Variants in FES observed in about 807,000 individuals in gnomAD.
FES encodes the protein tyrosine-protein kinase Fes/Fps.
Under a neutral mutation model 109.6 loss-of-function variants are expected in FES, and 83 were observed. The observed-to-expected ratio is 0.76, with a 90% confidence interval of 0.63 to 0.91. FES has a LOEUF of 0.91. FES is among the 40% of genes least tolerant of loss of function. The pLI, the probability that FES is intolerant of heterozygous loss-of-function variation, is 0.00. For synonymous variants in FES, 458 were observed against 442.1 expected (o/e 1.04, Z -0.45); for missense variants, 943 against 1,070.9 (o/e 0.88, Z 1.67).
intron 11 of FES, 118 bp downstream of exon 11, chr15:90,891,309 C>G: frequency 7.7e-7 from 1 of 1,296,098 alleles, no homozygotes; most frequent in Non-Finnish European, 1.1e-6. Context: ...GCCTCCCTAG[C>G]AGGGCTGGCT....
At position 90,888,167 on chromosome 15, in the gene FES, A is replaced by G. The variant is rs189732773; in HGVS notation, c.668+797A>G. Reference sequence around the variant, plus strand: ...GCCGCCCAGGCTAGAGTGCAGTGGCATGATCTCGGCTTACTGCAACCTCCG... The same window carrying G: ...GCCGCCCAGGCTAGAGTGCAGTGGCGTGATCTCGGCTTACTGCAACCTCCG... On this transcript the variant is annotated intron_variant, in intron 5 of 18. Transcript: ENST00000328850. Among the ~76,000 whole-genome samples, 894 of 152,244 alleles carry G rather than the reference A, an allele frequency of 5.9e-3. 8 individuals are homozygous for G. The highest frequency in any genetic ancestry group is 8.6e-3 in the Non-Finnish European group (585 of 68,014).
intron 17 of FES, 29 bp downstream of exon 17, chr15:90,893,840 C>A (rs984663399): frequency 1.3e-6 from 2 of 1,597,266 alleles, no homozygotes; most frequent in African/African-American, 2.7e-5. Context: ...CCCTGGACTC[C>A]ATGGCCAGAG....
In FES at chr15:90,892,055, C is replaced by A. The variant is rs774314212; in HGVS notation, c.1654-3C>A. On this transcript the variant is annotated splice_region_variant and splice_polypyrimidine_tract_variant and intron_variant, in intron 12 of 18. Transcript: ENST00000328850. Reference sequence around the variant, plus strand: ...CTGATCCCCTGTCTCCTCTCTTCCCCAGGACAAGTGGGTGCTGAACCATGA... The same window carrying A: ...CTGATCCCCTGTCTCCTCTCTTCCCAAGGACAAGTGGGTGCTGAACCATGA... 5 of 1,614,028 alleles carry A rather than the reference C, an allele frequency of 3.1e-6. No individual in the cohort carries two copies. The African/African-American group carries it at 6.7e-5, about 22-fold the overall frequency.
At chr15:90,886,924 A>C (rs1596093863) in intron 3 of FES, 37 bp from the exon 4 acceptor site, 1 of 1,590,748 alleles carries the variant, frequency 6.3e-7, no homozygotes, top group Non-Finnish European at 8.6e-7. Flanking sequence ...ACAACTGGGG[A>C]CCTGCTGCCC....
At chr15:90,884,860 G>A (rs926107228) in intron 1 of FES, 177 bp from the exon 2 acceptor site, 24 of 611,600 alleles carry the variant, frequency 3.9e-5, no homozygotes, top group Admixed American at 1.2e-4. Context: ...AGCAATGAGG[G>A]CCAGTCCCCA....
intron 5 of FES, among the ~76,000 whole-genome samples, chr15:90,888,748 AT>A (rs2032906956): frequency 1.4e-4 from 1 of 7,312 alleles, no homozygotes; most frequent in Non-Finnish European, 3.2e-4. Context: ...ATAGCAGTTC[AT>A]TTATTTATTT....
At chr15:90,887,495 A>G in intron 5 of FES, 125 bp downstream of exon 5, 1 of 1,026,628 alleles carries the variant, frequency 9.7e-7, no homozygotes, top group Non-Finnish European at 1.4e-6. Flanking sequence ...CCACATGAGA[A>G]CGGGACCTGG....
At position 90,891,052 on chromosome 15, in the gene FES, C is replaced by T. The variant is rs1034352374; in HGVS notation, c.1391C>T (p.Ala464Val). The stretch of plus-strand genomic sequence containing the variant: ...CATGAGCAGCTGTGGTACCACGGGG[C>T]CATCCCGAGGGCAGAGGTGGCTGAG... The part of the protein sequence containing the change: ...PLHEQLWYHG[A>V]IPRAEVAELL... Residue 464 changes from alanine to valine, a missense_variant, in exon 11 of 19, where the codon GCC becomes GTC. Physicochemically the swap from Ala to Val is moderately conservative, Grantham distance 64 (BLOSUM62 0). Transcript: ENST00000328850. 1.3e-6 allele frequency: 2 copies of T among 1,598,830 alleles called. No individual in the cohort carries two copies. Among genetic ancestry groups the T allele is most frequent in the African/African-American group, 2.7e-5 (2 of 74,792 alleles).
rs200303705 is a variant in FES, at chr15:90,891,540, C to G, written c.1531-14C>G. 4 of 1,613,222 alleles carry G rather than the reference C, an allele frequency of 2.5e-6. No homozygotes were observed. The highest frequency in any genetic ancestry group is 3.3e-5 in the Admixed American group (2 of 60,000). ...AGAATGGAGGCTGCTGACCCCGGGT[C>G]CCCTGCCCTGCAGAACCTGTACCGA... On this transcript the variant is annotated splice_polypyrimidine_tract_variant and intron_variant, in intron 11 of 18. Coordinates refer to ENST00000328850, the MANE Select transcript of FES (RefSeq NM_002005.4).
Position 90,890,167 on chromosome 15 carries a change from C to T in FES, c.1125C>T (p.Ala375=), listed in dbSNP as rs1193713497. 4 of 1,599,874 alleles carry T rather than the reference C, an allele frequency of 2.5e-6. No individual in the cohort carries two copies. The highest frequency in any genetic ancestry group is 4.5e-5 in the East Asian group (2 of 44,666). Residue 375 remains alanine (A), a synonymous_variant, in exon 9 of 19, where the codon GCC becomes GCT. Transcript: ENST00000328850. ...QGLQVALCSQ[A]KLQAQQELLQ... Reference sequence around the variant, plus strand: ...TGCAGGTAGCGCTGTGCAGCCAGGCCAAGCTGCAGGCCCAGCAGGAGTTGC... The same window carrying T: ...TGCAGGTAGCGCTGTGCAGCCAGGCTAAGCTGCAGGCCCAGCAGGAGTTGC...
chr15:90,888,306 A>G (rs1208745445), intron 5 of FES, among the ~76,000 whole-genome samples: 1 of 152,180 alleles, frequency 6.6e-6, no homozygotes, highest in Non-Finnish European at 1.5e-5. Flanking sequence ...GGGTTTCACC[A>G]TGTTGCCCAG....
At position 90,889,990 on chromosome 15, in the gene FES, T is replaced by C. The variant is rs1567097337; in HGVS notation, c.1049+28T>C. ...GAGTGGGCCCCTGCCTGCAGCAGCC[T>C]CCTGGGCCTCCCTCCCTCCTACCTA... is the stretch of plus-strand genomic sequence containing the variant. On this transcript the variant is annotated intron_variant, in intron 8 of 18. Coordinates refer to ENST00000328850, the MANE Select transcript of FES (RefSeq NM_002005.4). This position sits in a 1 kb window ranked among gnomAD's most constrained non-coding sequence, Gnocchi z 6.1. The C allele has an allele frequency of 1.9e-6, 3 of 1,610,434 alleles. No individual in the cohort carries two copies. Among genetic ancestry groups the C allele is most frequent in the African/African-American group, 2.7e-5 (2 of 74,750 alleles).
rs1248328630 is a variant in FES at position 90,885,272 on chromosome 15, G to A, written c.213+14G>A. The A allele has an allele frequency of 1.2e-6, 2 of 1,603,840 alleles. No homozygotes were observed. The highest frequency in any genetic ancestry group is 1.7e-5 in the Admixed American group (1 of 59,532). On this transcript the variant is annotated intron_variant, in intron 2 of 18. Transcript: ENST00000328850. ...CCCATCAGTCAGGTGGGTCTCTATG[G>A]GACTCTGGTGGGTGCTGGCTGTATC...
chr15:90,890,631 C>T (rs1281878180), intron 10 of FES, 147 bp downstream of exon 10: 1 of 740,828 alleles, frequency 1.3e-6, no homozygotes, highest in Admixed American at 2.7e-5. Context: ...TCCCCAGACC[C>T]TGCCCCTGTG....
intron 5 of FES, among the ~76,000 whole-genome samples, chr15:90,888,744 GTTCATTTA>G (rs1224462739): frequency 4.0e-4 from 56 of 139,534 alleles, no homozygotes; most frequent in South Asian, 2.8e-3. Flanking sequence ...AAGGATAGCA[GTTCATTTA>G]TTTATTTATT....
chr15:90,889,824 C>A lies in FES; in HGVS notation c.927-16C>A. The A allele has an allele frequency of 6.2e-7, 1 of 1,613,498 alleles. No individual in the cohort carries two copies. The highest frequency in any genetic ancestry group is 1.1e-5 in the South Asian group (1 of 91,036). On this transcript the variant is annotated splice_polypyrimidine_tract_variant and intron_variant, in intron 7 of 18. Coordinates refer to ENST00000328850, the MANE Select transcript of FES (RefSeq NM_002005.4). This position sits in a 1 kb window ranked among gnomAD's most constrained non-coding sequence, Gnocchi z 6.1. ...AGGAGGGCTCGGTTCTAATGCTGCCCTTCTCTTGGGTGCAGGCTGACCTCA... is the reference window on the plus strand; with the variant it reads ...AGGAGGGCTCGGTTCTAATGCTGCCATTCTCTTGGGTGCAGGCTGACCTCA...
Position 90,893,952 on chromosome 15 carries a change from A to G in FES, c.2220A>G (p.Glu740=). 1.2e-6 allele frequency: 2 copies of G among 1,613,666 alleles called. No individual in the cohort carries two copies. The highest frequency in any genetic ancestry group is 1.7e-6 in the Non-Finnish European group (2 of 1,179,960). Residue 740 remains glutamate, a synonymous_variant, in exon 18 of 19, where the codon GAA becomes GAG. Transcript: ENST00000328850. ...CCTCTGCAGGCCGCTACTCCTCCGA[A>G]AGCGACGTGTGGAGCTTTGGCATCT... The part of the protein sequence containing the change: ...EALNYGRYSS[E]SDVWSFGILL...
Position 90,889,996 on chromosome 15 carries a change from G to T in FES, c.1049+34G>T. ...GCCCCTGCCTGCAGCAGCCTCCTGG[G>T]CCTCCCTCCCTCCTACCTACCCTAA... On this transcript the variant is annotated intron_variant, in intron 8 of 18. Coordinates refer to ENST00000328850, the MANE Select transcript of FES (RefSeq NM_002005.4). This position sits in a 1 kb window ranked among gnomAD's most constrained non-coding sequence, Gnocchi z 6.1. 6.2e-7 allele frequency: 1 copy of T among 1,609,840 alleles called. No homozygotes were observed.
chr15:90,889,624 G>A lies in FES; in HGVS notation c.914G>A (p.Ser305Asn). 4 of 1,613,348 alleles carry A rather than the reference G, an allele frequency of 2.5e-6. No individual in the cohort carries two copies. Among genetic ancestry groups the A allele is most frequent in the Non-Finnish European group, 3.4e-6 (4 of 1,180,016 alleles). The stretch of plus-strand genomic sequence containing the variant: ...CAGCTGAACGAGCTGACTGTGGAGA[G>A]CGTGCAGCACACGTGGGTGGTGGCT... Reference protein sequence around the residue: ...ELQLNELTVESVQHTLTSVTD... With the variant: ...ELQLNELTVENVQHTLTSVTD... The change falls in exon 7 of 19, where the codon AGC becomes AAC. Residue 305 changes from serine to asparagine, a missense_variant. Physicochemically the swap from Ser to Asn is conservative, Grantham distance 46 (BLOSUM62 1). Transcript: ENST00000328850. This position sits in a 1 kb window ranked among gnomAD's most constrained non-coding sequence, Gnocchi z 6.1.
Sources: allele counts gnomAD v4.1 joint callset (sites outside exome capture counted in the v4.1 genomes callset), GRCh38; gene constraint gnomAD v4.1.1; non-coding constraint Gnocchi (gnomAD v3.1); transcripts MANE v1.5; gene names NCBI Gene and HGNC (gene_info 2026-07-23, HGNC 2026-07-21).